NEK10: variants seen among roughly 807,000 people sequenced by gnomAD.
The protein encoded by NEK10 is NIMA related kinase 10.
NEK10 carries 122 observed loss-of-function variants against 159.8 expected under a neutral mutation model. The ratio of observed to expected loss-of-function variants is 0.76; its 90% CI spans 0.66 to 0.89. NEK10 has a LOEUF of 0.89. Ranked by LOEUF, NEK10 falls within the 40% of genes least tolerant of loss-of-function variation. NEK10 has a pLI of 0.00. For missense variants in NEK10, 1,342 were observed against 1,323.1 expected, an observed-to-expected ratio of 1.01 and a Z score of -0.22; for synonymous variants, 466 against 457.1, an observed-to-expected ratio of 1.02 and a Z score of -0.25.
At chr3:27,260,425 A>G (rs570741522) in intron 22 of NEK10, among the ~76,000 whole-genome samples, 2 of 152,312 alleles carry the variant, frequency 1.3e-5, no homozygotes, top group South Asian at 4.1e-4. Flanking sequence ...AGTTTTTAGC[A>G]TGAAGCGTTG....
intron 23 of NEK10, among the ~76,000 whole-genome samples, chr3:27,204,298 GTTGTT>G (rs1559606084): frequency 2.1e-4 from 14 of 65,516 alleles, no homozygotes; most frequent in African/African-American, 8.2e-4. Context: ...TTTTTTTGTT[GTTGTT>G]TTTTTTTTTT....
At chr3:27,174,354 G>A in intron 28 of NEK10, 85 bp downstream of exon 28, 2 of 1,595,954 alleles carry the variant, frequency 1.3e-6, no homozygotes, top group South Asian at 1.1e-5. Context: ...TATGTATATG[G>A]TGATATTTGC....
At chr3:27,119,684 T>C in intron 33 of NEK10, 76 bp downstream of exon 33, 1 of 1,145,696 alleles carries the variant, frequency 8.7e-7, no homozygotes, top group South Asian at 1.4e-5. Context: ...TTGGAGATAA[T>C]CTTTTAGAAA....
At chr3:27,332,299 T>A (rs1338585841) in intron 5 of NEK10, among the ~76,000 whole-genome samples, 1 of 152,216 alleles carries the variant, frequency 6.6e-6, no homozygotes, top group African/African-American at 2.4e-5. Context: ...TTTGGAACAC[T>A]TTTTCTGAAA....
chr3:27,227,797 C>G (rs1244299423), intron 23 of NEK10, among the ~76,000 whole-genome samples: 2 of 152,176 alleles, frequency 1.3e-5, no homozygotes, highest in East Asian at 3.8e-4. Flanking sequence ...TGTACATAAA[C>G]AGTAGAAGGT....
chr3:27,313,368 C>A lies in NEK10; in HGVS notation c.489+929G>T, dbSNP rs9847667. ...ATATATATTCACTTGCTTACCCTCG[C>A]TCAGTAGTTAGCAAAGCAGAAAAAT... On this transcript the variant is annotated intron_variant, in intron 7 of 35. Transcript: ENST00000691995. 5.0e-3 allele frequency among the ~76,000 whole-genome samples: 757 copies of A among 152,300 alleles called. 8 individuals carry two copies. The highest frequency in any genetic ancestry group is 0.017 in the African/African-American group (723 of 41,568).
chr3:27,362,240 G>T (rs1258815664), intron 1 of NEK10, among the ~76,000 whole-genome samples: 1 of 152,330 alleles, frequency 6.6e-6, no homozygotes, highest in East Asian at 1.9e-4. Flanking sequence ...TGAGGACACA[G>T]TGAGTAGATG....
chr3:27,118,313 G>T (rs1940787066), intron 33 of NEK10, among the ~76,000 whole-genome samples: 1 of 152,116 alleles, frequency 6.6e-6, no homozygotes, highest in South Asian at 2.1e-4. Flanking sequence ...TATGATGGTT[G>T]ATCAGAATTT....
chr3:27,352,436 A>C, intron 3 of NEK10, 29 bp downstream of exon 3: 2 of 1,510,676 alleles, frequency 1.3e-6, no homozygotes, highest in Non-Finnish European at 1.8e-6. Flanking sequence ...TTCTTTTATT[A>C]CCAAGTGAAC....
intron 22 of NEK10, among the ~76,000 whole-genome samples, chr3:27,262,405 T>A (rs1401571830): frequency 6.6e-6 from 1 of 152,226 alleles, no homozygotes; most frequent in Non-Finnish European, 1.5e-5. Context: ...GAAGTACCCC[T>A]GGATAATATC....
chr3:27,258,075 C>A (rs6809225), intron 22 of NEK10, among the ~76,000 whole-genome samples: 1 of 151,930 alleles, frequency 6.6e-6, no homozygotes, highest in South Asian at 2.1e-4. Context: ...GGATTACAGG[C>A]GTGAGCCTCC....
At chr3:27,162,790 C>T (rs1946139075) in intron 29 of NEK10, 52 bp from the exon 30 acceptor site, 1 of 1,612,194 alleles carries the variant, frequency 6.2e-7, no homozygotes, top group Non-Finnish European at 8.5e-7. Flanking sequence ...TTGGATTTGA[C>T]AAACTAAGAG....
rs148630725 is a variant in NEK10 at position 27,340,965 on chromosome 3, A to C, written c.362+3307T>G. 4.1e-4 allele frequency among the ~76,000 whole-genome samples: 63 copies of C among 152,352 alleles called. No homozygotes were observed. In the East Asian group the frequency reaches 0.012, roughly 28 times the overall value. On this transcript the variant is annotated intron_variant, in intron 5 of 35. Transcript: ENST00000691995. ...TCAACCTTAGTGTACACCAACAAAC[A>C]AATGAATTTTTAAAATGTAGTATAT...
intron 5 of NEK10, among the ~76,000 whole-genome samples, chr3:27,329,912 C>G (rs1259749865): frequency 6.6e-6 from 1 of 152,264 alleles, no homozygotes; most frequent in African/African-American, 2.4e-5. Context: ...ATAGTCATCC[C>G]TTGGTATCCT....
intron 26 of NEK10, among the ~76,000 whole-genome samples, chr3:27,177,721 T>A (rs1156914390): frequency 6.6e-6 from 1 of 152,164 alleles, no homozygotes; most frequent in African/African-American, 2.4e-5. Flanking sequence ...TATAAAATTG[T>A]TCCTTGAAGA....
intron 22 of NEK10, among the ~76,000 whole-genome samples, chr3:27,258,578 A>T (rs374978702): frequency 6.6e-6 from 1 of 152,140 alleles, no homozygotes; most frequent in African/African-American, 2.4e-5. Context: ...ATAGTATTCC[A>T]TGGTGTATAT....
At chr3:27,196,038 G>T (rs930253693) in intron 25 of NEK10, among the ~76,000 whole-genome samples, 5 of 152,170 alleles carry the variant, frequency 3.3e-5, no homozygotes, top group Admixed American at 3.3e-4. Context: ...TCCAAAGAAA[G>T]AAGTAAAAAC....
intron 35 of NEK10, among the ~76,000 whole-genome samples, chr3:27,113,625 T>C (rs919297873): frequency 2.6e-5 from 4 of 152,118 alleles, no homozygotes; most frequent in African/African-American, 9.7e-5. Context: ...AACTGAATAA[T>C]TTTTTGCCTT....
intron 23 of NEK10, among the ~76,000 whole-genome samples, chr3:27,204,512 C>A (rs1362757530): frequency 3.8e-4 from 48 of 125,996 alleles, no homozygotes; most frequent in Non-Finnish European, 6.1e-4. Flanking sequence ...TCCTGTGTCC[C>A]TGTGATCTCA....
Sources: allele counts gnomAD v4.1 joint callset (sites outside exome capture counted in the v4.1 genomes callset), GRCh38; gene constraint gnomAD v4.1.1; transcripts MANE v1.5; gene names NCBI Gene and HGNC (gene_info 2026-07-23, HGNC 2026-07-21).